Variants in MVP observed in about 807,000 individuals in gnomAD.
MVP encodes major vault protein.
A neutral mutation model predicts 83.5 loss-of-function variants in MVP; 62 were observed. That is an observed-to-expected ratio of 0.74 (90% CI 0.61 to 0.92). The LOEUF (loss-of-function observed/expected upper bound fraction) is 0.92. Ranked by LOEUF, MVP falls within the 40% of genes least tolerant of loss-of-function variation. The pLI, the probability that MVP is intolerant of heterozygous loss-of-function variation, is 0.00. For synonymous variants in MVP, 505 were observed against 504.1 expected, an observed-to-expected ratio of 1.00 and a Z score of -0.02; for missense variants, 1,000 against 1,203.4, an observed-to-expected ratio of 0.83 and a Z score of 2.50.
In MVP at chr16:29,846,352, CCT is replaced by C; in HGVS notation, c.2265+69_2265+70del. The C allele has an allele frequency of 4.7e-6, 7 of 1,494,162 alleles. No individual in the cohort carries two copies. In the South Asian group the frequency reaches 9.2e-5, roughly 20 times the overall value. 92.6% of individuals were successfully genotyped at this position (1,494,162 alleles called of 1,614,324 possible). A position where few individuals can be genotyped will look rare whatever the true frequency, so the allele number is the denominator to read the frequency against. On this transcript the variant is annotated intron_variant, in intron 13 of 14. Coordinates refer to ENST00000357402, the MANE Select transcript of MVP (RefSeq NM_005115.5). ...TGGAAAAGGCCCATTCCCTACAGTC[CCT>C]GAGACTGTATAGGACACCAGGTCCC...
chr16:29,836,867 T>A lies in MVP; in HGVS notation c.818T>A (p.Ile273Asn). The A allele has an allele frequency of 6.2e-7, 1 of 1,613,964 alleles. No homozygotes were observed. Among genetic ancestry groups the A allele is most frequent in the South Asian group, 1.1e-5 (1 of 91,084 alleles). ...VHEEVLGVVP[I>N]TTLGPHNYCV... The stretch of plus-strand genomic sequence containing the variant: ...GAGGAGGTGCTGGGGGTTGTGCCCA[T>A]CACCACCCTGGGCCCCCACAACTAC... Residue 273 changes from isoleucine (I) to asparagine (N), a missense_variant, in exon 7 of 15, where the codon ATC becomes AAC. Physicochemically the swap from Ile to Asn is moderately radical, Grantham distance 149. Coordinates refer to ENST00000357402, the MANE Select transcript of MVP (RefSeq NM_005115.5).
intron 5 of MVP, 136 bp from the exon 6 acceptor site, chr16:29,835,568 A>C (rs1260497130): frequency 9.0e-6 from 5 of 552,488 alleles, no homozygotes; most frequent in Non-Finnish European, 1.6e-5. Flanking sequence ...GACCGCAGTC[A>C]GGAACTTGAG....
intron 11 of MVP, 58 bp from the exon 12 acceptor site, chr16:29,845,805 G>T (rs1049392954): frequency 7.9e-6 from 12 of 1,521,512 alleles, no homozygotes; most frequent in Admixed American, 1.8e-5. Context: ...TGCCCTTGGC[G>T]CTCCTGTTCC....
intron 13 of MVP, 92 bp downstream of exon 13, chr16:29,846,376 T>C (rs1596931650): frequency 7.0e-7 from 1 of 1,437,524 alleles, no homozygotes; most frequent in East Asian, 2.5e-5. Flanking sequence ...GGACACCAGG[T>C]CCCCCAACAT....
chr16:29,837,761 A>G (rs1372234742), intron 7 of MVP, among the ~76,000 whole-genome samples: 1 of 152,080 alleles, frequency 6.6e-6, no homozygotes, highest in Non-Finnish European at 1.5e-5. Flanking sequence ...GAAAAAAAAA[A>G]AATCTCCATT....
In MVP at chr16:29,841,611, G is replaced by A. The variant is rs754855193; in HGVS notation, c.1207G>A (p.Gly403Arg). The A allele has an allele frequency of 6.2e-7, 1 of 1,604,664 alleles. No individual in the cohort carries two copies. The highest frequency in any genetic ancestry group is 1.7e-5 in the Admixed American group (1 of 58,916). ...VKTGKVRAVI[G>R]STYMLTQDEV... is the part of the protein sequence containing the mutation. ...TCGTCCCAAGGTGCGCGCTGTGATT[G>A]GAAGCACCTACATGCTGACCCAGGA... is the stretch of plus-strand genomic sequence containing the variant. Residue 403 changes from glycine to arginine, a missense_variant, in exon 9 of 15, where the codon GGA becomes AGA. By Grantham distance (125) the Gly-to-Arg change is moderately radical. Coordinates refer to ENST00000357402, the MANE Select transcript of MVP (RefSeq NM_005115.5). The surrounding 1 kb of genome is among the most constrained non-coding windows in gnomAD (Gnocchi z 4.7).
Position 29,847,224 on chromosome 16 carries a change from G to A in MVP, c.2293G>A (p.Val765Ile), listed in dbSNP as rs1340885096. The A allele has an allele frequency of 6.2e-7, 1 of 1,613,564 alleles. No individual in the cohort carries two copies. The highest frequency in any genetic ancestry group is 1.3e-5 in the African/African-American group (1 of 74,968). The change falls in exon 14 of 15, where the codon GTC (valine) becomes ATC (isoleucine). Residue 765 changes from valine to isoleucine, a missense_variant. Transcript: ENST00000357402. ...GGCTGAGCTCCAGAGGGTCCAGAAGGTCCGAGAGCTGGAACTGGTCTATGC... is the reference window on the plus strand; with the variant it reads ...GGCTGAGCTCCAGAGGGTCCAGAAGATCCGAGAGCTGGAACTGGTCTATGC... ...TEAELQRVQK[V>I]RELELVYARA...
At chr16:29,821,518 A>C (rs938502667) in intron 1 of MVP, 1 of 152,368 alleles carries the variant, frequency 6.6e-6, no homozygotes, top group Non-Finnish European at 1.5e-5. Context: ...CGCTGGCCCA[A>C]CTTACAGGAA....
intron 5 of MVP, 131 bp from the exon 6 acceptor site, chr16:29,835,573 C>A: frequency 7.5e-6 from 4 of 532,968 alleles, no homozygotes; most frequent in South Asian, 2.7e-5. Flanking sequence ...CAGTCAGGAA[C>A]TTGAGCCTGG....
At chr16:29,821,897 G>A (rs1212530901) in intron 1 of MVP, among the ~76,000 whole-genome samples, 1 of 152,174 alleles carries the variant, frequency 6.6e-6, no homozygotes, top group Non-Finnish European at 1.5e-5. Flanking sequence ...AGTCAGAAGT[G>A]AGGCCTGCAA....
intron 3 of MVP, chr16:29,831,686 A>G: frequency 2.2e-6 from 1 of 456,130 alleles, no homozygotes; most frequent in Non-Finnish European, 4.4e-6. Context: ...CTGGCATTAA[A>G]TGACATGTGC....
At position 29,841,571 on chromosome 16, in the gene MVP, C is replaced by T. The variant is rs371130863; in HGVS notation, c.1192-25C>T. 4.1e-5 allele frequency: 64 copies of T among 1,554,592 alleles called. No individual in the cohort carries two copies. Among genetic ancestry groups the T allele is most frequent in the Non-Finnish European group, 5.5e-5 (63 of 1,149,150 alleles). Reference sequence around the variant, plus strand: ...TCCTCCCTTCCACCCTTACGGGCAGCTTCCCTCCCTGTCCTCGTCCCAAGG... The same window carrying T: ...TCCTCCCTTCCACCCTTACGGGCAGTTTCCCTCCCTGTCCTCGTCCCAAGG... On this transcript the variant is annotated intron_variant, in intron 8 of 14. Transcript: ENST00000357402. The surrounding 1 kb of genome is among the most constrained non-coding windows in gnomAD (Gnocchi z 4.7).
At chr16:29,846,114 C>A in intron 12 of MVP, 44 bp from the exon 13 acceptor site, 1 of 1,600,588 alleles carries the variant, frequency 6.2e-7, no homozygotes, top group Non-Finnish European at 8.5e-7. Context: ...CGTGGGGGGA[C>A]TGGGCTGTCT....
chr16:29,831,205 G>A (rs2067439798), intron 3 of MVP, 132 bp downstream of exon 3: 30 of 871,234 alleles, frequency 3.4e-5, no homozygotes, highest in Non-Finnish European at 4.8e-5. Flanking sequence ...CGCCCAGGCT[G>A]GAGTGCAGTG....
chr16:29,821,868 C>T (rs1043186896), intron 1 of MVP, among the ~76,000 whole-genome samples: 3 of 152,164 alleles, frequency 2.0e-5, no homozygotes, highest in South Asian at 4.1e-4. Flanking sequence ...GGCTCTCTCC[C>T]GGAAACTTAG....
intron 7 of MVP, among the ~76,000 whole-genome samples, chr16:29,837,860 C>T (rs1345986243): frequency 6.6e-6 from 1 of 152,070 alleles, no homozygotes; most frequent in Non-Finnish European, 1.5e-5. Context: ...TCCTGGTGTT[C>T]ACTTTGCTTT....
intron 1 of MVP, among the ~76,000 whole-genome samples, chr16:29,822,017 G>A (rs1368939466): frequency 6.6e-6 from 1 of 152,168 alleles, no homozygotes; most frequent in East Asian, 1.9e-4. Context: ...CTTGAGGCCA[G>A]GAGTTCCAGA....
chr16:29,847,537 G>C (rs951409604), intron 14 of MVP, 152 bp downstream of exon 14: 3 of 906,052 alleles, frequency 3.3e-6, no homozygotes, highest in Non-Finnish European at 5.0e-6. Context: ...ACAGTGTCAC[G>C]CTGCATCAAC....
At chr16:29,847,551 A>T (rs1055676834) in intron 14 of MVP, among the ~76,000 whole-genome samples, 166 bp downstream of exon 14, 1 of 152,154 alleles carries the variant, frequency 6.6e-6, no homozygotes, top group African/African-American at 2.4e-5. Context: ...CATCAACGTC[A>T]GGCACTGTAC....
Sources: gnomAD v4.1 joint callset for allele counts (sites outside exome capture counted in the v4.1 genomes callset) on GRCh38, gnomAD v4.1.1 for gene constraint, Gnocchi (gnomAD v3.1) non-coding constraint, MANE v1.5 for transcripts, NCBI Gene and HGNC (gene_info 2026-07-23, HGNC 2026-07-21) for gene names.